CLSTN2: variants seen among roughly 807,000 people sequenced by gnomAD.
The protein encoded by CLSTN2 is calsyntenin 2.
In CLSTN2, 48 loss-of-function variants were observed where a neutral mutation model predicts 101.2. The ratio of observed to expected loss-of-function variants is 0.47; its 90% confidence interval spans 0.38 to 0.60. The LOEUF (loss-of-function observed/expected upper bound fraction) is 0.60, where lower values mean the gene tolerates loss of function less well. CLSTN2 is among the 20% of genes least tolerant of loss of function. The pLI is 0.00. For missense variants in CLSTN2, 1,160 were observed against 1,238.2 expected, an observed-to-expected ratio of 0.94 and a Z score of 0.95; for synonymous variants, 481 against 463.6, an observed-to-expected ratio of 1.04 and a Z score of -0.48.
At chr3:140,521,118 C>A (rs1374710510) in intron 8 of CLSTN2, among the ~76,000 whole-genome samples, 1 of 151,290 alleles carries the variant, frequency 6.6e-6, no homozygotes, top group Non-Finnish European at 1.5e-5. Context: ...TATTACCCAC[C>A]TTCTGATGCC....
At chr3:140,018,439 G>T (rs1401525457) in intron 1 of CLSTN2, among the ~76,000 whole-genome samples, 1 of 152,168 alleles carries the variant, frequency 6.6e-6, no homozygotes, top group African/African-American at 2.4e-5. Flanking sequence ...GGAAGGCATT[G>T]GATCTGAATA....
intron 2 of CLSTN2, among the ~76,000 whole-genome samples, chr3:140,233,312 A>C (rs1401177961): frequency 6.6e-6 from 1 of 152,082 alleles, no homozygotes; most frequent in East Asian, 1.9e-4. Flanking sequence ...GTCTCAACAG[A>C]GGCTGACCTT....
At chr3:140,391,696 CT>C (rs2088115975) in intron 2 of CLSTN2, among the ~76,000 whole-genome samples, 1 of 151,748 alleles carries the variant, frequency 6.6e-6, no homozygotes, top group Non-Finnish European at 1.5e-5. Context: ...AATGTAATGA[CT>C]AAGCAAATTA....
intron 4 of CLSTN2, among the ~76,000 whole-genome samples, chr3:140,407,267 C>T (rs1038627158): frequency 2.0e-5 from 3 of 152,316 alleles, no homozygotes. Context: ...AGAGCCTGCT[C>T]ATTGAGGCCT....
chr3:140,258,612 A>C (rs1336708811), intron 2 of CLSTN2, among the ~76,000 whole-genome samples: 1 of 152,150 alleles, frequency 6.6e-6, no homozygotes, highest in Non-Finnish European at 1.5e-5. Flanking sequence ...AGGAAGGATA[A>C]ATTTTCTACT....
intron 2 of CLSTN2, among the ~76,000 whole-genome samples, chr3:140,313,562 A>G (rs1391454366): frequency 6.6e-6 from 1 of 152,196 alleles, no homozygotes; most frequent in Non-Finnish European, 1.5e-5. Context: ...AGTTGCGGTC[A>G]CTGCTTTGGA....
At chr3:140,313,966 C>A (rs887035142) in intron 2 of CLSTN2, among the ~76,000 whole-genome samples, 3 of 152,150 alleles carry the variant, frequency 2.0e-5, no homozygotes, top group African/African-American at 7.2e-5. Context: ...CTGGTAGCCA[C>A]AAGGCCAAAG....
At position 140,566,187 on chromosome 3, in the gene CLSTN2, C is replaced by T. The variant is rs766802846; in HGVS notation, c.2802C>T (p.Gly934=). The T allele has an allele frequency of 3.7e-6, 6 of 1,606,530 alleles. No homozygotes were observed. In the African/African-American group the frequency reaches 8.0e-5, roughly 21 times the overall value. Residue 934 remains glycine, a synonymous_variant, in exon 17 of 17, where the codon GGC becomes GGT. Transcript: ENST00000458420. ...EEEEEEGMGR[G]RHGQNGARQA... is the part of the protein sequence containing the mutation. Reference sequence around the variant, plus strand: ...AGGAGGAGGAAGGGATGGGCAGAGGCAGACATGGGCAGAATGGAGCCAGGC... The same window carrying T: ...AGGAGGAGGAAGGGATGGGCAGAGGTAGACATGGGCAGAATGGAGCCAGGC...
chr3:140,237,884 A>G (rs2107865017), intron 2 of CLSTN2, among the ~76,000 whole-genome samples: 2 of 152,282 alleles, frequency 1.3e-5, no homozygotes, highest in Admixed American at 1.3e-4. Flanking sequence ...TAATTTACCC[A>G]AGCTTGCACA....
Position 140,478,877 on chromosome 3 carries a change from AG to A in CLSTN2, c.1344+12148del, listed in dbSNP as rs1162841308. 1.7e-3 allele frequency among the ~76,000 whole-genome samples: 21 copies of A among 12,246 alleles called. 1 individual carries two copies. Among genetic ancestry groups the A allele is most frequent in the Non-Finnish European group, 7.9e-3 (18 of 2,278 alleles). The allele number at this position is 12,246 out of a possible 152,430, so 8.0% of individuals were successfully genotyped here. ...GGAAGGAAGGAAGGGGGAAGGAGGAAGGAAGGAAGGAAGGAAGGAAGGAAGG... is the reference window on the plus strand; with the variant it reads ...GGAAGGAAGGAAGGGGGAAGGAGGAAGAAGGAAGGAAGGAAGGAAGGAAGG... On this transcript the variant is annotated intron_variant, in intron 8 of 16. Transcript: ENST00000458420.
intron 5 of CLSTN2, among the ~76,000 whole-genome samples, chr3:140,424,341 A>C (rs2088538704): frequency 6.6e-6 from 1 of 152,118 alleles, no homozygotes; most frequent in South Asian, 2.1e-4. Flanking sequence ...AACAGGCCAT[A>C]AGGCCTTTCT....
intron 8 of CLSTN2, among the ~76,000 whole-genome samples, chr3:140,485,437 C>G (rs1483375817): frequency 6.6e-6 from 1 of 152,202 alleles, no homozygotes; most frequent in African/African-American, 2.4e-5. Context: ...TGTCTGTTCT[C>G]AGATCTCAAG....
intron 8 of CLSTN2, among the ~76,000 whole-genome samples, chr3:140,511,288 T>C (rs974581423): frequency 1.3e-5 from 2 of 152,226 alleles, no homozygotes; most frequent in African/African-American, 2.4e-5. Context: ...TTTAGATTGA[T>C]TTCATGTCTT....
intron 2 of CLSTN2, among the ~76,000 whole-genome samples, chr3:140,241,628 T>C (rs2086467817): frequency 6.6e-6 from 1 of 151,992 alleles, no homozygotes; most frequent in South Asian, 2.1e-4. Context: ...TAACACATTT[T>C]GCTTAGGCAC....
At chr3:140,028,569 T>C (rs967410002) in intron 1 of CLSTN2, among the ~76,000 whole-genome samples, 3 of 152,022 alleles carry the variant, frequency 2.0e-5, no homozygotes, top group Non-Finnish European at 2.9e-5. Flanking sequence ...GGAAAAGGAA[T>C]TTGGGGCAGA....
At chr3:140,099,903 T>A (rs891949736) in intron 1 of CLSTN2, among the ~76,000 whole-genome samples, 3 of 152,318 alleles carry the variant, frequency 2.0e-5, no homozygotes, top group Non-Finnish European at 4.4e-5. Flanking sequence ...ACCTGTAAGA[T>A]GTTCCTGAGG....
chr3:140,017,418 G>A (rs1261496054), intron 1 of CLSTN2, among the ~76,000 whole-genome samples: 2 of 152,216 alleles, frequency 1.3e-5, no homozygotes, highest in East Asian at 1.9e-4. Context: ...GGGAAGCCTG[G>A]AAAAGGCTGG....
intron 1 of CLSTN2, among the ~76,000 whole-genome samples, chr3:139,972,876 G>A (rs1305802424): frequency 2.6e-5 from 4 of 152,202 alleles, no homozygotes; most frequent in Non-Finnish European, 4.4e-5. Context: ...ATGAACGAAT[G>A]AATGAATGAA....
At chr3:139,964,714 T>C (rs1416031598) in intron 1 of CLSTN2, among the ~76,000 whole-genome samples, 1 of 152,290 alleles carries the variant, frequency 6.6e-6, no homozygotes, top group Middle Eastern at 3.4e-3. Context: ...CTCCTGTGTC[T>C]TCTCCCAGGA....
Sources: gnomAD v4.1 joint callset for allele counts (sites outside exome capture counted in the v4.1 genomes callset) on GRCh38, gnomAD v4.1.1 for gene constraint, MANE v1.5 for transcripts, NCBI Gene and HGNC (gene_info 2026-07-23, HGNC 2026-07-21) for gene names.